CRCP: variants seen among roughly 807,000 people sequenced by gnomAD.
CRCP encodes the protein DNA-directed RNA polymerase III subunit RPC9.
Under a neutral mutation model 18.5 loss-of-function variants are expected in CRCP, and 18 were observed. The ratio of observed to expected loss-of-function variants is 0.97; its 90% CI spans 0.67 to 1.44. The LOEUF is 1.44. Among genes scored for constraint, CRCP ranks in the 40% most tolerant of loss-of-function variants. CRCP has a pLI of 0.00. For synonymous variants in CRCP, 53 were observed against 62.9 expected, an observed-to-expected ratio of 0.84 and a Z score of 0.75; for missense variants, 130 against 176.4, an observed-to-expected ratio of 0.74 and a Z score of 1.49.
In CRCP at chr7:66,130,777, C is replaced by T. The variant is rs376911180; in HGVS notation, c.79C>T (p.Arg27Cys). 19 of 1,608,554 alleles carry T rather than the reference C, an allele frequency of 1.2e-5. No homozygotes were observed. The highest frequency in any genetic ancestry group is 1.8e-4 in the Middle Eastern group (1 of 5,602). ...FQLLTDLKEQ[R>C]KESGKNKHSS... ...GTTACTAACTGATCTGAAAGAGCAG[C>T]GTAAAGAAAGTGGAAAGAATAAACA... Residue 27 changes from arginine to cysteine, a missense_variant, in exon 3 of 6, where the codon CGT becomes TGT. Physicochemically the swap from Arg to Cys is radical, Grantham distance 180. Coordinates refer to ENST00000395326, the MANE Select transcript of CRCP (RefSeq NM_014478.5).
At chr7:66,122,142 G>A (rs914908230) in intron 1 of CRCP, among the ~76,000 whole-genome samples, 14 of 152,108 alleles carry the variant, frequency 9.2e-5, no homozygotes, top group African/African-American at 1.2e-4. Context: ...TTGGGAGGCC[G>A]AGGTGGGTGG....
chr7:66,136,858 T>C (rs1302080767), intron 4 of CRCP, among the ~76,000 whole-genome samples: 2 of 150,776 alleles, frequency 1.3e-5, no homozygotes, highest in Non-Finnish European at 2.9e-5. Context: ...GGCAGGTGGA[T>C]CACGAGGTCA....
chr7:66,117,533 A>G (rs1050338769), intron 1 of CRCP, among the ~76,000 whole-genome samples: 2 of 151,956 alleles, frequency 1.3e-5, no homozygotes, highest in African/African-American at 4.8e-5. Context: ...TGTTGTTTCC[A>G]CCCTAGAATA....
At chr7:66,126,930 A>T (rs1185728306) in intron 1 of CRCP, among the ~76,000 whole-genome samples, 1 of 151,764 alleles carries the variant, frequency 6.6e-6, no homozygotes, top group Non-Finnish European at 1.5e-5. Flanking sequence ...ATGGCCAAAG[A>T]ATTCAGGAGC....
At chr7:66,115,566 G>A (rs927885472) in intron 1 of CRCP, among the ~76,000 whole-genome samples, 4 of 152,118 alleles carry the variant, frequency 2.6e-5, no homozygotes, top group African/African-American at 9.7e-5. Context: ...CAAGGCGAGG[G>A]TAAAAGATTT....
At chr7:66,128,309 A>G (rs1346041591) in intron 2 of CRCP, among the ~76,000 whole-genome samples, 2 of 152,130 alleles carry the variant, frequency 1.3e-5, no homozygotes, top group East Asian at 1.9e-4. Context: ...CTAAATCTCA[A>G]CGATTCCAAA....
intron 5 of CRCP, chr7:66,150,523 G>A (rs1033510579): frequency 3.3e-5 from 5 of 151,814 alleles, no homozygotes; most frequent in African/African-American, 1.2e-4. Flanking sequence ...TTATCTAGTT[G>A]CAGAAACACT....
Position 66,153,915 on chromosome 7 carries a change from G to C in CRCP, c.*1558G>C, listed in dbSNP as rs1788539264. ...TCTCTACTAAAGATATAAAAAACTA[G>C]CCGAGCGTGGTGTTGCATGCCTGTG... On this transcript the variant is annotated 3_prime_UTR_variant, in exon 6 of 6. Transcript: ENST00000395326. 6.6e-6 allele frequency: 1 copy of C among 151,830 alleles called. No homozygotes were observed. The highest frequency in any genetic ancestry group is 2.0e-4 in the East Asian group (1 of 5,098). 9.4% of individuals were successfully genotyped at this position (151,830 alleles called of 1,614,324 possible). A position where few individuals can be genotyped will look rare whatever the true frequency, so the allele number is the denominator to read the frequency against.
At chr7:66,143,379 A>T (rs545215029) in intron 4 of CRCP, among the ~76,000 whole-genome samples, 1 of 151,904 alleles carries the variant, frequency 6.6e-6, no homozygotes, top group Non-Finnish European at 1.5e-5. Flanking sequence ...GGCCCTTTCG[A>T]TCTTGTCCCA....
chr7:66,120,076 C>G lies in CRCP; in HGVS notation c.8+5106C>G, dbSNP rs572461932. On this transcript the variant is annotated intron_variant, in intron 1 of 5. Transcript: ENST00000395326. Reference sequence around the variant, plus strand: ...GGGCGCCCGTAGTCCCAGCTACTATCGGGAGGCTGAGGCAGGAGAATGGCG... The same window carrying G: ...GGGCGCCCGTAGTCCCAGCTACTATGGGGAGGCTGAGGCAGGAGAATGGCG... Among the ~76,000 whole-genome samples the G allele has an allele frequency of 1.1e-4, 16 of 151,804 alleles. No individual in the cohort carries two copies. In the South Asian group the frequency reaches 3.1e-3, roughly 30 times the overall value.
intron 1 of CRCP, among the ~76,000 whole-genome samples, chr7:66,122,910 C>G (rs533877501): frequency 5.7e-4 from 86 of 151,094 alleles, no homozygotes; most frequent in Non-Finnish European, 9.3e-4. Context: ...AGAGTATTTG[C>G]TTTAAACACA....
chr7:66,144,238 G>T (rs1054373018), intron 4 of CRCP, among the ~76,000 whole-genome samples: 1 of 152,142 alleles, frequency 6.6e-6, no homozygotes, highest in Non-Finnish European at 1.5e-5. Context: ...TGAGGCAGAT[G>T]ATCACTATAT....
intron 4 of CRCP, among the ~76,000 whole-genome samples, chr7:66,138,252 G>C (rs1788025718): frequency 6.6e-6 from 1 of 152,136 alleles, no homozygotes; most frequent in African/African-American, 2.4e-5. Flanking sequence ...AGAAATCTGT[G>C]ATCAGGCTGG....
chr7:66,117,840 C>T (rs561190490), intron 1 of CRCP, among the ~76,000 whole-genome samples: 5 of 152,338 alleles, frequency 3.3e-5, no homozygotes, highest in Non-Finnish European at 7.3e-5. Flanking sequence ...CCCAACCTCC[C>T]AGACACACAC....
intron 3 of CRCP, among the ~76,000 whole-genome samples, chr7:66,132,344 C>T (rs1787832907): frequency 6.6e-6 from 1 of 152,166 alleles, no homozygotes; most frequent in African/African-American, 2.4e-5. Flanking sequence ...CTTCCTTTGT[C>T]TTCCATGACC....
intron 5 of CRCP, among the ~76,000 whole-genome samples, chr7:66,149,399 G>A (rs1165569981): frequency 3.3e-5 from 5 of 151,906 alleles, no homozygotes; most frequent in Admixed American, 1.3e-4. Context: ...CATAGCTATA[G>A]TCCCAGCTAC....
chr7:66,115,926 AGCTGGGACTACAG>A (rs1438435378), intron 1 of CRCP, among the ~76,000 whole-genome samples: 1 of 152,140 alleles, frequency 6.6e-6, no homozygotes, highest in Non-Finnish European at 1.5e-5. Flanking sequence ...CCTCTTCAGT[AGCTGGGACTACAG>A]GCCCACGCCA....
intron 1 of CRCP, among the ~76,000 whole-genome samples, chr7:66,119,123 G>A (rs1787358692): frequency 6.6e-6 from 1 of 152,180 alleles, no homozygotes; most frequent in Non-Finnish European, 1.5e-5. Context: ...CTTGCTGGGT[G>A]TCTGCACTCA....
Position 66,114,905 on chromosome 7 carries a change from G to A in CRCP, c.-58G>A. On this transcript the variant is annotated 5_prime_UTR_variant, in exon 1 of 6. Coordinates refer to ENST00000395326, the MANE Select transcript of CRCP (RefSeq NM_014478.5). ...GGCGCTGTTGGTGGCGGCGGAGACA[G>A]CTGTGAAGTGTGAGGTTCTTTGTCT... The A allele has an allele frequency of 2.5e-6, 4 of 1,610,912 alleles. No individual in the cohort carries two copies. Among genetic ancestry groups the A allele is most frequent in the Non-Finnish European group, 3.4e-6 (4 of 1,177,500 alleles).
Sources: allele counts gnomAD v4.1 joint callset (sites outside exome capture counted in the v4.1 genomes callset), GRCh38; gene constraint gnomAD v4.1.1; transcripts MANE v1.5; gene names NCBI Gene and HGNC (gene_info 2026-07-23, HGNC 2026-07-21).